PPM1L: variants seen among roughly 807,000 people sequenced by gnomAD.
The protein encoded by PPM1L is protein phosphatase 1L.
PPM1L carries 13 observed loss-of-function variants against 31.4 expected under a neutral mutation model. The ratio of observed to expected loss-of-function variants is 0.41; its 90% CI spans 0.27 to 0.66. The LOEUF is 0.66. Ranked by LOEUF, PPM1L falls within the 30% of genes least tolerant of loss-of-function variation. PPM1L has a pLI of 0.29. For missense variants in PPM1L, 326 were observed against 453.7 expected (o/e 0.72, Z 2.56); for synonymous variants, 184 against 175.4 (o/e 1.05, Z -0.39).
At chr3:160,768,732 A>G (rs530041638) in intron 1 of PPM1L, among the ~76,000 whole-genome samples, 27 of 152,106 alleles carry the variant, frequency 1.8e-4, no homozygotes, top group Non-Finnish European at 3.4e-4. Flanking sequence ...CCTAGATGGT[A>G]CATTATTGGG....
intron 1 of PPM1L, among the ~76,000 whole-genome samples, chr3:160,942,838 T>C (rs1296863519): frequency 6.6e-6 from 1 of 152,194 alleles, no homozygotes; most frequent in Non-Finnish European, 1.5e-5. Flanking sequence ...TTTTGATGGA[T>C]TTTCTTCGAG....
At chr3:161,029,398 G>T (rs1476682499) in intron 2 of PPM1L, among the ~76,000 whole-genome samples, 1 of 152,160 alleles carries the variant, frequency 6.6e-6, no homozygotes, top group African/African-American at 2.4e-5. Context: ...TTTCATTAAT[G>T]ATGCCAGAAT....
At position 161,069,124 on chromosome 3, in the gene PPM1L, G is replaced by A. The variant is rs773896569; in HGVS notation, c.1050G>A (p.Lys350=). Residue 350 remains lysine, a synonymous_variant, in exon 4 of 4, where the codon AAG becomes AAA. Transcript: ENST00000498165. ...CPDNITVMVV[K]FRNSSKTEEQ is the part of the protein sequence containing the mutation. ...ACAATATAACAGTCATGGTGGTGAA[G>A]TTCAGAAATAGCAGCAAAACAGAAG... is the stretch of plus-strand genomic sequence containing the variant. The A allele has an allele frequency of 2.5e-6, 4 of 1,614,020 alleles. No individual in the cohort carries two copies. Among genetic ancestry groups the A allele is most frequent in the Admixed American group, 3.3e-5 (2 of 60,014 alleles).
intron 1 of PPM1L, among the ~76,000 whole-genome samples, chr3:160,922,176 G>T (rs1338036199): frequency 1.3e-5 from 2 of 152,090 alleles, no homozygotes; most frequent in African/African-American, 4.8e-5. Context: ...CGGGCGTGGT[G>T]GCAGGCACCT....
At chr3:160,917,917 A>G (rs546198151) in intron 1 of PPM1L, among the ~76,000 whole-genome samples, 2 of 152,274 alleles carry the variant, frequency 1.3e-5, no homozygotes, top group South Asian at 4.1e-4. Context: ...TAGATTTCAA[A>G]CCAAAATGAT....
At chr3:160,809,522 A>T (rs1394100244) in intron 1 of PPM1L, among the ~76,000 whole-genome samples, 3 of 151,800 alleles carry the variant, frequency 2.0e-5, no homozygotes, top group Non-Finnish European at 2.9e-5. Flanking sequence ...GACCTCCTGG[A>T]CTCTCATGGT....
At chr3:160,863,275 A>G (rs749496574) in intron 1 of PPM1L, among the ~76,000 whole-genome samples, 3 of 152,176 alleles carry the variant, frequency 2.0e-5, no homozygotes, top group Non-Finnish European at 4.4e-5. Flanking sequence ...TTCATAGCAA[A>G]TGAGAGGCCC....
At chr3:160,970,380 T>C (rs2108115498) in intron 2 of PPM1L, among the ~76,000 whole-genome samples, 1 of 152,076 alleles carries the variant, frequency 6.6e-6, no homozygotes, top group South Asian at 2.1e-4. Flanking sequence ...TTTCTGGCGA[T>C]AATATTAAAT....
At chr3:160,864,380 T>C (rs1712012926) in intron 1 of PPM1L, among the ~76,000 whole-genome samples, 1 of 152,098 alleles carries the variant, frequency 6.6e-6, no homozygotes, top group Admixed American at 6.6e-5. Context: ...TTTTGCCATG[T>C]TGCCCAGGCT....
chr3:160,792,599 A>G (rs997572528), intron 1 of PPM1L, among the ~76,000 whole-genome samples: 1 of 152,186 alleles, frequency 6.6e-6, no homozygotes, highest in Non-Finnish European at 1.5e-5. Context: ...AGCTAACCAC[A>G]ATGAGTAGGT....
intron 2 of PPM1L, among the ~76,000 whole-genome samples, chr3:161,047,649 A>T (rs938944676): frequency 1.3e-5 from 2 of 152,192 alleles, no homozygotes; most frequent in Non-Finnish European, 2.9e-5. Flanking sequence ...AGCCAAAAGA[A>T]CAAAGCTGGA....
chr3:160,991,776 A>G (rs1349573250), intron 2 of PPM1L, among the ~76,000 whole-genome samples: 2 of 152,152 alleles, frequency 1.3e-5, no homozygotes, highest in East Asian at 3.8e-4. Context: ...TGACCAGCCT[A>G]CTGTCTACAA....
chr3:160,832,136 G>T (rs1007841792), intron 1 of PPM1L, among the ~76,000 whole-genome samples: 2 of 152,190 alleles, frequency 1.3e-5, no homozygotes, highest in Non-Finnish European at 2.9e-5. Context: ...GGAGCTCACA[G>T]TTTATTAAGG....
Position 160,836,340 on chromosome 3 carries a change from G to A in PPM1L, c.399+79633G>A, listed in dbSNP as rs375128185. ...GAAGAGAGAGAGAGAGAGAGAGAGA[G>A]AGAAAGAGAGAGAGAGACAGACAGG... is the stretch of plus-strand genomic sequence containing the variant. On this transcript the variant is annotated intron_variant, in intron 1 of 3. Transcript: ENST00000498165. Among the ~76,000 whole-genome samples the A allele has an allele frequency of 4.4e-4, 67 of 151,606 alleles. 2 individuals are homozygous for A. Among genetic ancestry groups the A allele is most frequent in the Non-Finnish European group, 1.2e-4 (8 of 67,970 alleles).
At chr3:160,810,503 G>A (rs1712774096) in intron 1 of PPM1L, among the ~76,000 whole-genome samples, 1 of 152,116 alleles carries the variant, frequency 6.6e-6, no homozygotes, top group African/African-American at 2.4e-5. Context: ...GTCCCTGGTG[G>A]CCACCTTCTT....
At chr3:160,998,386 A>G (rs189791306) in intron 2 of PPM1L, among the ~76,000 whole-genome samples, 201 of 152,356 alleles carry the variant, frequency 1.3e-3, no homozygotes, top group African/African-American at 4.7e-3. Context: ...TCAAGTAGCA[A>G]AAATTATGTA....
chr3:161,026,445 C>T (rs1718391994), intron 2 of PPM1L, among the ~76,000 whole-genome samples: 1 of 152,188 alleles, frequency 6.6e-6, no homozygotes, highest in South Asian at 2.1e-4. Flanking sequence ...CCTGTAATCC[C>T]AGCCCTTTGG....
At chr3:161,019,060 T>G (rs1718165503) in intron 2 of PPM1L, among the ~76,000 whole-genome samples, 1 of 152,240 alleles carries the variant, frequency 6.6e-6, no homozygotes, top group Non-Finnish European at 1.5e-5. Flanking sequence ...AGAAACCACT[T>G]CGGGAAACAT....
chr3:160,792,901 T>C (rs1047635025), intron 1 of PPM1L, among the ~76,000 whole-genome samples: 22 of 152,210 alleles, frequency 1.4e-4, no homozygotes, highest in African/African-American at 5.1e-4. Flanking sequence ...TCCCAGCACA[T>C]TGATATATGA....
Sources: allele counts gnomAD v4.1 joint callset (sites outside exome capture counted in the v4.1 genomes callset), GRCh38; gene constraint gnomAD v4.1.1; transcripts MANE v1.5; gene names NCBI Gene and HGNC (gene_info 2026-07-23, HGNC 2026-07-21).